KIF1B: variants seen among roughly 807,000 people sequenced by gnomAD.
KIF1B encodes the protein kinesin-like protein KIF1B.
Under a neutral mutation model 241.9 loss-of-function variants are expected in KIF1B, and 76 were observed. The ratio of observed to expected loss-of-function variants is 0.31; its 90% CI spans 0.26 to 0.38. The LOEUF is 0.38. KIF1B is among the 10% of genes least tolerant of loss of function. The pLI is 1.00. For synonymous variants in KIF1B, 750 were observed against 796.7 expected, an observed-to-expected ratio of 0.94 and a Z score of 0.99; for missense variants, 1,622 against 2,271.4, an observed-to-expected ratio of 0.71 and a Z score of 5.81.
chr1:10,244,614 CCTT>C (rs1647181911), intron 2 of KIF1B, among the ~76,000 whole-genome samples: 2 of 135,224 alleles, frequency 1.5e-5, no homozygotes, highest in East Asian at 2.1e-4. Context: ...GCCCGGCCCT[CCTT>C]TTTTTTTTTT....
At chr1:10,327,482 CAA>C (rs1280173413) in intron 27 of KIF1B, among the ~76,000 whole-genome samples, 1 of 135,710 alleles carries the variant, frequency 7.4e-6, no homozygotes, top group Non-Finnish European at 1.6e-5. Flanking sequence ...GCCTGGGTGA[CAA>C]GAGCGAAACT....
At position 10,232,431 on chromosome 1, in the gene KIF1B, A is replaced by G; in HGVS notation, c.103A>G (p.Thr35Ala). The G allele has an allele frequency of 1.9e-6, 3 of 1,602,036 alleles. No homozygotes were observed. Among genetic ancestry groups the G allele is most frequent in the Non-Finnish European group, 2.6e-6 (3 of 1,169,102 alleles). Residue 35 changes from threonine (T) to alanine (A), a missense_variant, in exon 2 of 49, where the codon ACC (threonine) becomes GCC (alanine). Physicochemically the swap from Thr to Ala is moderately conservative, Grantham distance 58 (BLOSUM62 0). This residue lies in a region of KIF1B where 156 missense variants were observed against 244.8 expected (regional missense o/e 0.64). Transcript: ENST00000676179. ...KCIIQMQGNSTSIINPKNPKE... is the reference protein window; with the variant it reads ...KCIIQMQGNSASIINPKNPKE... ...CATCATTCAGATGCAAGGCAACTCG[A>G]CCAGTGAGTACATGTTGTTTTCTCT...
intron 1 of KIF1B, among the ~76,000 whole-genome samples, chr1:10,228,322 T>C (rs1317045756): frequency 6.6e-6 from 1 of 152,118 alleles, no homozygotes; most frequent in Non-Finnish European, 1.5e-5. Context: ...GGATAATGCA[T>C]TTTCTTCCCT....
rs369355892 is a variant in KIF1B, at chr1:10,256,381, C to T, written c.183+58C>T. ...CCTGCCTCCTTTCCTCTTTCCTTGC[C>T]GATTTGTCTTTTCTCTTAGCTGAGC... is the stretch of plus-strand genomic sequence containing the variant. On this transcript the variant is annotated intron_variant, in intron 3 of 48. Coordinates refer to ENST00000676179, the MANE Select transcript of KIF1B (RefSeq NM_001365951.3). The T allele has an allele frequency of 2.0e-4, 246 of 1,205,330 alleles. No individual in the cohort carries two copies. The African/African-American group carries it at 2.8e-3, about 14-fold the overall frequency. The allele number at this position is 1,205,330 out of a possible 1,614,324, so 74.7% of individuals were successfully genotyped here.
At chr1:10,338,439 A>G (rs1355187373) in intron 31 of KIF1B, among the ~76,000 whole-genome samples, 1 of 152,200 alleles carries the variant, frequency 6.6e-6, no homozygotes, top group Non-Finnish European at 1.5e-5. Flanking sequence ...AATATTACCC[A>G]TTGAGCATTG....
intron 1 of KIF1B, among the ~76,000 whole-genome samples, chr1:10,229,309 TA>T (rs1646948026): frequency 6.6e-6 from 1 of 152,070 alleles, no homozygotes; most frequent in African/African-American, 2.4e-5. Context: ...TGTAAACATT[TA>T]AAAAACAAAA....
chr1:10,271,170 CT>C (rs577076950), intron 7 of KIF1B, among the ~76,000 whole-genome samples: 60 of 141,928 alleles, frequency 4.2e-4, no homozygotes, highest in Non-Finnish European at 4.2e-4. Flanking sequence ...TGTGCATGCT[CT>C]TTTTTTTTTT....
chr1:10,236,806 A>G (rs1320246135), intron 2 of KIF1B, among the ~76,000 whole-genome samples: 1 of 151,276 alleles, frequency 6.6e-6, no homozygotes, highest in Non-Finnish European at 1.5e-5. Context: ...ATGAAAGATG[A>G]TATTTTAGAA....
chr1:10,362,876 G>A (rs1638462397), intron 40 of KIF1B, among the ~76,000 whole-genome samples: 2 of 152,122 alleles, frequency 1.3e-5, no homozygotes, highest in South Asian at 4.1e-4. Context: ...TTCAAGACCA[G>A]CCTGGGCAAC....
chr1:10,276,891 G>T (rs1649141360), intron 12 of KIF1B, among the ~76,000 whole-genome samples: 1 of 152,090 alleles, frequency 6.6e-6, no homozygotes, highest in Admixed American at 6.6e-5. Flanking sequence ...GACCAGCCTG[G>T]CCAACATGAT....
intron 7 of KIF1B, among the ~76,000 whole-genome samples, chr1:10,270,188 A>G (rs1648712389): frequency 6.6e-6 from 1 of 152,164 alleles, no homozygotes; most frequent in African/African-American, 2.4e-5. Context: ...AGATAATGAT[A>G]ATTTTTATTC....
At chr1:10,269,678 G>A (rs912319235) in intron 7 of KIF1B, among the ~76,000 whole-genome samples, 3 of 151,292 alleles carry the variant, frequency 2.0e-5, no homozygotes, top group Admixed American at 6.6e-5. Flanking sequence ...AAAATTAGCC[G>A]GTCATGGTGT....
chr1:10,263,064 C>A (rs1487296114), intron 5 of KIF1B, among the ~76,000 whole-genome samples: 1 of 151,984 alleles, frequency 6.6e-6, no homozygotes, highest in Admixed American at 6.6e-5. Flanking sequence ...GAATGGATCA[C>A]TTGAGGCCAG....
At chr1:10,286,103 G>A (rs1194654151) in intron 15 of KIF1B, among the ~76,000 whole-genome samples, 6 of 151,798 alleles carry the variant, frequency 4.0e-5, no homozygotes, top group South Asian at 4.2e-4. Context: ...GCAGTGACGC[G>A]ATCTCGGCTC....
At chr1:10,232,221 C>A in intron 1 of KIF1B, 29 bp from the exon 2 acceptor site, 2 of 754,302 alleles carry the variant, frequency 2.7e-6, no homozygotes, top group South Asian at 1.5e-5. Context: ...ATTCTGACTA[C>A]CTCATATGGA....
In KIF1B at chr1:10,266,826, A is replaced by G. The variant is rs113998204; in HGVS notation, c.430-554A>G. ...ATCTGTTTACCTCTCCCTTACAGAG[A>G]AAGTCTGAAGGCTGGTTCTAACCTA... On this transcript the variant is annotated intron_variant, in intron 5 of 48. Coordinates refer to ENST00000676179, the MANE Select transcript of KIF1B (RefSeq NM_001365951.3). Among the ~76,000 whole-genome samples the G allele has an allele frequency of 6.6e-3, 999 of 152,340 alleles. 11 individuals are homozygous for G. Among genetic ancestry groups the G allele is most frequent in the Middle Eastern group, 0.037 (11 of 294 alleles).
chr1:10,263,659 T>C (rs1312563551), intron 5 of KIF1B, among the ~76,000 whole-genome samples: 4 of 152,232 alleles, frequency 2.6e-5, no homozygotes, highest in Admixed American at 6.5e-5. Flanking sequence ...CCTAAGCATA[T>C]TTTGCGTTAA....
chr1:10,367,844 T>G lies in KIF1B; in HGVS notation c.4753-623T>G, dbSNP rs149855020. 4.6e-3 allele frequency among the ~76,000 whole-genome samples: 705 copies of G among 152,242 alleles called. 6 individuals carry two copies. The highest frequency in any genetic ancestry group is 0.016 in the African/African-American group (665 of 41,546). On this transcript the variant is annotated intron_variant, in intron 43 of 48. Coordinates refer to ENST00000676179, the MANE Select transcript of KIF1B (RefSeq NM_001365951.3). Reference sequence around the variant, plus strand: ...CCCGGGTTCAAGTGATTCTCCTTCCTCAGCCTCCCGAGTAGCTGGGATTAC... The same window carrying G: ...CCCGGGTTCAAGTGATTCTCCTTCCGCAGCCTCCCGAGTAGCTGGGATTAC...
chr1:10,224,045 T>C (rs1403895439), intron 1 of KIF1B, among the ~76,000 whole-genome samples: 1 of 152,074 alleles, frequency 6.6e-6, no homozygotes, highest in Non-Finnish European at 1.5e-5. Flanking sequence ...TCAAGCCATC[T>C]GCCTGCCTTG....
Sources: allele counts gnomAD v4.1 joint callset (sites outside exome capture counted in the v4.1 genomes callset), GRCh38; gene constraint gnomAD v4.1.1; regional missense constraint gnomAD v4.1.1; transcripts MANE v1.5; gene names NCBI Gene and HGNC (gene_info 2026-07-23, HGNC 2026-07-21).